Variants in SLC52A1 observed in about 807,000 individuals in gnomAD.
SLC52A1 encodes solute carrier family 52, riboflavin transporter, member 1.
SLC52A1 carries 20 observed loss-of-function variants against 23.2 expected under a neutral mutation model. The ratio of observed to expected loss-of-function variants is 0.86; its 90% confidence interval spans 0.61 to 1.25. The LOEUF (loss-of-function observed/expected upper bound fraction) is 1.25. Ranked by LOEUF, SLC52A1 falls within the 50% of genes most tolerant of loss-of-function variation. The pLI is 0.00. For synonymous variants in SLC52A1, 260 were observed against 256.6 expected, an observed-to-expected ratio of 1.01 and a Z score of -0.13; for missense variants, 528 against 557.0, an observed-to-expected ratio of 0.95 and a Z score of 0.52.
chr17:5,037,376 G>A (rs528732122), upstream of SLC52A1, among the ~76,000 whole-genome samples: 6 of 152,034 alleles, frequency 3.9e-5, no homozygotes, highest in South Asian at 1.2e-3. Context: ...CAAATTAGCT[G>A]GGTATGGTGG....
At chr17:5,039,130 C>G (rs1442914783), upstream of SLC52A1, among the ~76,000 whole-genome samples, 1 of 151,496 alleles carries the variant, frequency 6.6e-6, no homozygotes, top group Non-Finnish European at 1.5e-5. Flanking sequence ...TGAGACCAGC[C>G]TGGCCAACAC....
chr17:5,033,688 T>C lies in SLC52A1; in HGVS notation c.801A>G (p.Pro267=). 1 of 1,613,948 alleles carries C rather than the reference T, an allele frequency of 6.2e-7. No homozygotes were observed. Among genetic ancestry groups the C allele is most frequent in the Non-Finnish European group, 8.5e-7 (1 of 1,180,002 alleles). Residue 267 remains proline (P), a synonymous_variant, in exon 3 of 5, where the codon CCA becomes CCG. Transcript: ENST00000254853. ...PSQAAGTIPG[P]DPEAHQLFSA... is the part of the protein sequence containing the mutation. ...AGAACAGCTGATGGGCCTCAGGGTC[T>C]GGGCCAGGGATGGTGCCTGCTGCCT...
At chr17:5,036,340 T>C (rs1975456897), upstream of SLC52A1, among the ~76,000 whole-genome samples, 1 of 150,546 alleles carries the variant, frequency 6.6e-6, no homozygotes, top group Admixed American at 6.6e-5. Flanking sequence ...CAGCTGTTTT[T>C]ACACTTTTAA....
upstream of SLC52A1, among the ~76,000 whole-genome samples, chr17:5,035,761 C>T (rs1482776283): frequency 1.1e-4 from 16 of 150,298 alleles, no homozygotes; most frequent in East Asian, 2.0e-4. Context: ...GGTGCGCGAT[C>T]GCGGCTCACT....
Position 5,034,280 on chromosome 17 carries a change from T to C in SLC52A1, c.209A>G (p.Gln70Arg), listed in dbSNP as rs346822. 1,527,339 of 1,608,492 alleles carry C rather than the reference T, an allele frequency of 0.95. 725,914 individuals carry two copies. The highest frequency in any genetic ancestry group is 0.96 in the Admixed American group (57,276 of 59,510). The change falls in exon 3 of 5, where the codon CAG becomes CGG. Residue 70 changes from glutamine (Q) to arginine (R), a missense_variant. Transcript: ENST00000254853. ...LGLLVVTLWR[Q>R]LAPGKGEQVP... ...CTGCTCGCCCTTGCCCGGGGCCAGC[T>C]GCCTCCACAGGGTCACCACCAGCAG... is the stretch of plus-strand genomic sequence containing the variant.
In SLC52A1 at chr17:5,034,935, G is replaced by A. The variant is rs531617190; in HGVS notation, c.-182C>T. Reference sequence around the variant, plus strand: ...AGGCAGACAGGCAGAAAGCTGGCCCGAGGTGCAGCTGCCCCAGAGGAGCAA... The same window carrying A: ...AGGCAGACAGGCAGAAAGCTGGCCCAAGGTGCAGCTGCCCCAGAGGAGCAA... On this transcript the variant is annotated 5_prime_UTR_variant, in exon 1 of 5. Coordinates refer to ENST00000254853, the MANE Select transcript of SLC52A1 (RefSeq NM_017986.4). The A allele has an allele frequency of 3.7e-5, 10 of 273,152 alleles. No individual in the cohort carries two copies. The highest frequency in any genetic ancestry group is 2.0e-4 in the South Asian group (4 of 19,986). 16.9% of individuals were successfully genotyped at this position (273,152 alleles called of 1,614,324 possible).
intron 1 of SLC52A1, among the ~76,000 whole-genome samples, chr17:5,040,989 G>A (rs894452107): frequency 2.0e-5 from 3 of 151,718 alleles, no homozygotes; most frequent in African/African-American, 7.3e-5. Context: ...TAGAGATGGG[G>A]TTTCACCGTG....
At chr17:5,034,415 G>A (rs1975408510) in intron 2 of SLC52A1, 57 bp from the exon 3 acceptor site, 1 of 1,607,434 alleles carries the variant, frequency 6.2e-7, no homozygotes, top group Non-Finnish European at 8.5e-7. Flanking sequence ...ACAAAGAGCT[G>A]CCACAGGCCA....
At chr17:5,035,804 C>T (rs1975441842), upstream of SLC52A1, among the ~76,000 whole-genome samples, 1 of 1,418 alleles carries the variant, frequency 7.1e-4, no homozygotes, top group South Asian at 0.017. Context: ...AAGGGATCCT[C>T]CCACTCAGCC....
chr17:5,036,950 C>T (rs1475695360), upstream of SLC52A1, among the ~76,000 whole-genome samples: 5 of 152,146 alleles, frequency 3.3e-5, no homozygotes, highest in Non-Finnish European at 7.3e-5. Context: ...TCCTGAGCAG[C>T]TGGGACTACA....
In SLC52A1 at chr17:5,034,078, G is replaced by A; in HGVS notation, c.411C>T (p.Ser137=). The A allele has an allele frequency of 6.2e-7, 1 of 1,614,202 alleles. No individual in the cohort carries two copies. The highest frequency in any genetic ancestry group is 8.5e-7 in the Non-Finnish European group (1 of 1,180,034). ...TSNVTFLPFL[S]HLPPPFLRSF... ...ACCGTAAGAAAGGAGGTGGCAGGTG[G>A]CTCAGGAAGGGCAGGAAAGTGACAT... Residue 137 remains serine (S), a synonymous_variant, in exon 3 of 5, where the codon AGC becomes AGT. Coordinates refer to ENST00000254853, the MANE Select transcript of SLC52A1 (RefSeq NM_017986.4).
At chr17:5,042,102 T>C (rs1432452738) in intron 1 of SLC52A1, among the ~76,000 whole-genome samples, 6 of 152,194 alleles carry the variant, frequency 3.9e-5, no homozygotes. Context: ...TCCTAGACAA[T>C]GGTTAGGGCT....
intron 1 of SLC52A1, among the ~76,000 whole-genome samples, chr17:5,040,789 C>A (rs1033428931): frequency 2.0e-5 from 3 of 151,506 alleles, no homozygotes; most frequent in Non-Finnish European, 4.4e-5. Flanking sequence ...CCCTATAGCA[C>A]CGAATAGCAC....
upstream of SLC52A1, among the ~76,000 whole-genome samples, chr17:5,036,235 A>G (rs1040275815): frequency 4.0e-5 from 6 of 150,622 alleles, no homozygotes; most frequent in Non-Finnish European, 7.4e-5. Flanking sequence ...TCGCCATGTT[A>G]GCTAGGCTGG....
At chr17:5,034,783 G>T in intron 1 of SLC52A1, 70 bp from the exon 2 acceptor site, 1 of 767,760 alleles carries the variant, frequency 1.3e-6, no homozygotes, top group Non-Finnish European at 1.9e-6. Flanking sequence ...AGACAAGTCG[G>T]TCAGACTGCT....
intron 1 of SLC52A1, 27 bp downstream of exon 1, chr17:5,034,834 C>T (rs1975420910): frequency 7.0e-6 from 2 of 287,040 alleles, no homozygotes; most frequent in East Asian, 8.1e-5. Context: ...CGGGGGCGGG[C>T]GGGGAAGGTG....
In SLC52A1 at chr17:5,034,531, C is replaced by T; in HGVS notation, c.76G>A (p.Ala26Thr). 6.2e-7 allele frequency: 1 copy of T among 1,614,252 alleles called. No homozygotes were observed. Among genetic ancestry groups the T allele is most frequent in the East Asian group, 2.2e-5 (1 of 44,888 alleles). The change falls in exon 2 of 5, where the codon GCT (alanine) becomes ACT (threonine). Residue 26 changes from alanine to threonine, a missense_variant. Coordinates refer to ENST00000254853, the MANE Select transcript of SLC52A1 (RefSeq NM_017986.4). ...AGCTCCACCCAGATCCCGTTCACAGCAGCCCAGGAGCCCATGCCAAAAAGG... is the reference window on the plus strand; with the variant it reads ...AGCTCCACCCAGATCCCGTTCACAGTAGCCCAGGAGCCCATGCCAAAAAGG... ...VALFGMGSWA[A>T]VNGIWVELPV...
chr17:5,038,801 G>C (rs1370874724), upstream of SLC52A1, among the ~76,000 whole-genome samples: 2 of 152,012 alleles, frequency 1.3e-5, no homozygotes, highest in African/African-American at 2.4e-5. Flanking sequence ...TGTTAGCCAG[G>C]ATGGTCTCGA....
chr17:5,038,223 A>G (rs933554726), upstream of SLC52A1, among the ~76,000 whole-genome samples: 5 of 151,666 alleles, frequency 3.3e-5, no homozygotes, highest in African/African-American at 1.2e-4. Context: ...CCCGGCCTAA[A>G]ATCTGTGTTT....
Sources: gnomAD v4.1 joint callset for allele counts (sites outside exome capture counted in the v4.1 genomes callset) on GRCh38, gnomAD v4.1.1 for gene constraint, MANE v1.5 for transcripts, NCBI Gene and HGNC (gene_info 2026-07-23, HGNC 2026-07-21) for gene names.